The following GHR variants were observed in gnomAD, a reference collection of about 807,000 sequenced individuals.
The protein encoded by GHR is GH receptor.
A neutral mutation model predicts 67.1 loss-of-function variants in GHR; 35 were observed. That is an observed-to-expected ratio of 0.52 (90% CI 0.40 to 0.69). GHR has a LOEUF of 0.69. Among genes scored for constraint, GHR ranks in the 30% least tolerant of loss-of-function variants. The pLI is 0.00. For synonymous variants in GHR, 272 were observed against 269.1 expected, an observed-to-expected ratio of 1.01 and a Z score of -0.10; for missense variants, 792 against 764.6, an observed-to-expected ratio of 1.04 and a Z score of -0.42.
chr5:42,661,234 G>A (rs1036943220), intron 3 of GHR, among the ~76,000 whole-genome samples: 4 of 152,150 alleles, frequency 2.6e-5, no homozygotes, highest in Admixed American at 1.3e-4. Flanking sequence ...CCAACATTCA[G>A]ATTCAGGAAA....
chr5:42,436,814 A>G (rs17574650), intron 1 of GHR, among the ~76,000 whole-genome samples: 9 of 152,166 alleles, frequency 5.9e-5, no homozygotes, highest in Non-Finnish European at 1.3e-4. Flanking sequence ...GCCCAACTGA[A>G]AATTACCCTT....
intron 1 of GHR, among the ~76,000 whole-genome samples, chr5:42,529,721 C>A (rs1047623852): frequency 2.6e-5 from 4 of 152,114 alleles, no homozygotes; most frequent in African/African-American, 9.7e-5. Context: ...GTGCTTTTCA[C>A]ATCTACAGAA....
intron 3 of GHR, among the ~76,000 whole-genome samples, chr5:42,643,211 C>A (rs924362891): frequency 6.6e-6 from 1 of 152,136 alleles, no homozygotes; most frequent in African/African-American, 2.4e-5. Context: ...TTTAACGCAC[C>A]ATTTCTCCAG....
At chr5:42,615,749 A>C (rs1753114528) in intron 2 of GHR, among the ~76,000 whole-genome samples, 1 of 152,052 alleles carries the variant, frequency 6.6e-6, no homozygotes, top group Non-Finnish European at 1.5e-5. Flanking sequence ...AACAAAAAAA[A>C]AAAAACATAG....
chr5:42,502,750 A>C (rs1442447534), intron 1 of GHR, among the ~76,000 whole-genome samples: 1 of 150,492 alleles, frequency 6.6e-6, no homozygotes, highest in Admixed American at 6.6e-5. Context: ...CTAATTGTAC[A>C]TTTTAAACTC....
chr5:42,449,233 A>AT (rs1399709038), intron 1 of GHR, among the ~76,000 whole-genome samples: 2 of 151,972 alleles, frequency 1.3e-5, no homozygotes, highest in Non-Finnish European at 2.9e-5. Flanking sequence ...CAGTATGTTC[A>AT]TTTTCACAAT....
At position 42,718,390 on chromosome 5, in the gene GHR, GC is replaced by G. The variant is rs1302384869; in HGVS notation, c.946-62del. 2.5e-6 allele frequency: 3 copies of G among 1,180,888 alleles called. No homozygotes were observed. The African/African-American group carries it at 4.5e-5, about 18-fold the overall frequency. The allele number at this position is 1,180,888 out of a possible 1,614,324, so 73.2% of individuals were successfully genotyped here. On this transcript the variant is annotated intron_variant, in intron 9 of 9. Transcript: ENST00000230882. ...CATAATTAATCTCTGAACATTATTT[GC>G]TAATTCATTTAATTATTATGAGTTT...
At chr5:42,575,342 A>AT (rs1218682119) in intron 2 of GHR, among the ~76,000 whole-genome samples, 2 of 152,128 alleles carry the variant, frequency 1.3e-5, no homozygotes, top group African/African-American at 2.4e-5. Context: ...GAATTGTGTG[A>AT]TTTTTTTAAG....
At chr5:42,487,757 C>T (rs1048380026) in intron 1 of GHR, among the ~76,000 whole-genome samples, 45 of 152,120 alleles carry the variant, frequency 3.0e-4, no homozygotes, top group African/African-American at 9.9e-4. Flanking sequence ...TCATATATTT[C>T]GTCCATCGGC....
intron 1 of GHR, chr5:42,465,978 G>A (rs184542388): frequency 1.5e-4 from 96 of 643,786 alleles, no homozygotes; most frequent in Admixed American, 3.0e-4. Context: ...TGTTGAGCAG[G>A]TCTTCTTCCA....
chr5:42,627,736 G>T lies in GHR; in HGVS notation c.71-1302G>T, dbSNP rs6870809. Among the ~76,000 whole-genome samples, 541 of 152,326 alleles carry T rather than the reference G, an allele frequency of 3.6e-3. 3 individuals carry two copies. The highest frequency in any genetic ancestry group is 0.012 in the African/African-American group (516 of 41,566). ...CCTTAGCCCCGAGGTAGTGTCTAGG[G>T]GTGGGGTGCCTGCAACCCCAGTGTT... is the stretch of plus-strand genomic sequence containing the variant. On this transcript the variant is annotated intron_variant, in intron 2 of 9. Coordinates refer to ENST00000230882, the MANE Select transcript of GHR (RefSeq NM_000163.5).
intron 2 of GHR, among the ~76,000 whole-genome samples, chr5:42,619,266 AC>A (rs1398685646): frequency 3.3e-5 from 5 of 151,876 alleles, no homozygotes; most frequent in Non-Finnish European, 5.9e-5. Flanking sequence ...GGCCTCTTGC[AC>A]CTCCACAACC....
intron 2 of GHR, among the ~76,000 whole-genome samples, chr5:42,571,069 A>G (rs1750280056): frequency 6.6e-6 from 1 of 152,154 alleles, no homozygotes; most frequent in Non-Finnish European, 1.5e-5. Context: ...ATCCATTTCT[A>G]AGTTTCTGCA....
At chr5:42,651,070 C>G (rs1165442617) in intron 3 of GHR, among the ~76,000 whole-genome samples, 1 of 152,104 alleles carries the variant, frequency 6.6e-6, no homozygotes, top group Non-Finnish European at 1.5e-5. Context: ...AAAAAGATTT[C>G]TGCTTGGGCA....
rs140356468 is a variant in GHR at position 42,700,023 on chromosome 5, A to G, written c.618+21A>G. On this transcript the variant is annotated intron_variant, in intron 6 of 9. Coordinates refer to ENST00000230882, the MANE Select transcript of GHR (RefSeq NM_000163.5). ...AAATGGTAAGATGTTGCTACACCTT[A>G]CACTTTGACTTTTCTTTCTATTTCA... The G allele has an allele frequency of 1.2e-4, 175 of 1,480,672 alleles. No homozygotes were observed. In the East Asian group the frequency reaches 3.3e-3, roughly 28 times the overall value. 91.7% of individuals were successfully genotyped at this position (1,480,672 alleles called of 1,614,324 possible).
chr5:42,476,701 T>C (rs900496829), intron 1 of GHR, among the ~76,000 whole-genome samples: 6 of 152,318 alleles, frequency 3.9e-5, no homozygotes, highest in African/African-American at 1.4e-4. Flanking sequence ...ACAGAAATAC[T>C]GGCCAACAGA....
intron 1 of GHR, chr5:42,548,040 A>T: frequency 1.0e-6 from 1 of 974,316 alleles, no homozygotes; most frequent in Non-Finnish European, 1.2e-6. Flanking sequence ...TCTAACGCTT[A>T]GCCCTCTTCT....
At chr5:42,532,918 CAG>C (rs1441311227) in intron 1 of GHR, among the ~76,000 whole-genome samples, 1 of 152,016 alleles carries the variant, frequency 6.6e-6, no homozygotes, top group Non-Finnish European at 1.5e-5. Flanking sequence ...ACATTTCCCT[CAG>C]GGTGCATGTG....
At chr5:42,505,918 A>G (rs1043461892) in intron 1 of GHR, among the ~76,000 whole-genome samples, 1 of 152,194 alleles carries the variant, frequency 6.6e-6, no homozygotes, top group African/African-American at 2.4e-5. Flanking sequence ...TATTACCTAT[A>G]AAGTGAAAGG....
Sources: gnomAD v4.1 joint callset for allele counts (sites outside exome capture counted in the v4.1 genomes callset) on GRCh38, gnomAD v4.1.1 for gene constraint, MANE v1.5 for transcripts, NCBI Gene and HGNC (gene_info 2026-07-23, HGNC 2026-07-21) for gene names.